Variants in GLRA2 observed in about 807,000 individuals in gnomAD.
GLRA2 encodes the protein glycine receptor subunit alpha-2.
In GLRA2, 11 loss-of-function variants were observed where a neutral mutation model predicts 31.6. The observed-to-expected ratio is 0.35, with a 90% CI of 0.22 to 0.58. The LOEUF (loss-of-function observed/expected upper bound fraction) is 0.58, where lower values mean the gene tolerates loss of function less well. GLRA2 is among the 20% of genes least tolerant of loss of function. The probability of loss-of-function intolerance (pLI) is 0.84; values close to 1 mark genes in which losing one functional copy is unlikely to be tolerated. For synonymous variants in GLRA2, 132 were observed against 134.0 expected, an observed-to-expected ratio of 0.99 and a Z score of 0.10; for missense variants, 212 against 351.8, an observed-to-expected ratio of 0.60 and a Z score of 3.18.
At chrX:14,701,130 GA>G (rs1325978365) in intron 8 of GLRA2, among the ~76,000 whole-genome samples, 1 of 110,865 alleles carries the variant, frequency 9.0e-6, no homozygotes, top group Non-Finnish European at 1.9e-5. Flanking sequence ...GGAGGTGACA[GA>G]GTAGGAGGTG....
intron 7 of GLRA2, among the ~76,000 whole-genome samples, chrX:14,685,815 A>G (rs2091270559): frequency 9.0e-6 from 1 of 111,384 alleles, no homozygotes; most frequent in African/African-American, 3.3e-5. Flanking sequence ...TATCTCCTTC[A>G]GTTCTGCTCT....
intron 7 of GLRA2, among the ~76,000 whole-genome samples, chrX:14,650,511 CAG>C (rs747759815): frequency 1.2e-3 from 137 of 111,101 alleles, no homozygotes; most frequent in African/African-American, 4.1e-3. Flanking sequence ...TCTCTAGTGT[CAG>C]AGAGAGCTTC....
At chrX:14,461,888 A>G in the GLRA2 span, among the ~76,000 whole-genome samples, 1 of 112,017 alleles carries the variant, frequency 8.9e-6, no homozygotes, top group Non-Finnish European at 1.9e-5. Context: ...TGTTCCTGTC[A>G]TTATGATGAT....
intron 2 of GLRA2, among the ~76,000 whole-genome samples, chrX:14,540,475 ACAGT>A (rs1197307180): frequency 1.8e-5 from 2 of 111,230 alleles, no homozygotes; most frequent in Non-Finnish European, 3.8e-5. Context: ...GATTCAACTA[ACAGT>A]CAGAGAGCAA....
At chrX:14,645,629 T>G (rs1205504475) in intron 7 of GLRA2, among the ~76,000 whole-genome samples, 1 of 111,768 alleles carries the variant, frequency 8.9e-6, no homozygotes, top group Non-Finnish European at 1.9e-5. Flanking sequence ...TTATCTCACC[T>G]CTTTGCAATT....
the GLRA2 span, among the ~76,000 whole-genome samples, chrX:14,515,135 T>A: frequency 8.9e-6 from 1 of 111,747 alleles, no homozygotes; most frequent in Non-Finnish European, 1.9e-5. Flanking sequence ...TTTTGTTTTT[T>A]AAAATAACTT....
the GLRA2 span, among the ~76,000 whole-genome samples, chrX:14,449,061 G>T: frequency 8.9e-6 from 1 of 112,380 alleles, no homozygotes; most frequent in African/African-American, 3.2e-5. Context: ...AGACCTCTGC[G>T]TGAGCTGGAA....
chrX:14,566,912 G>T (rs1308243809), intron 2 of GLRA2, among the ~76,000 whole-genome samples: 2 of 111,511 alleles, frequency 1.8e-5, no homozygotes, highest in African/African-American at 6.5e-5. Flanking sequence ...CTCTCTGCCT[G>T]TGCACCCTGA....
At chrX:14,481,554 A>G in the GLRA2 span, among the ~76,000 whole-genome samples, 4 of 111,737 alleles carry the variant, frequency 3.6e-5, no homozygotes, top group South Asian at 1.5e-3. Flanking sequence ...ACTGGCAGGG[A>G]AACTGAGGCC....
At chrX:14,603,792 T>C (rs1231905045) in intron 4 of GLRA2, among the ~76,000 whole-genome samples, 1 of 111,952 alleles carries the variant, frequency 8.9e-6, no homozygotes, top group East Asian at 2.8e-4. Context: ...TACAATATAT[T>C]GTTAACCCAT....
At chrX:14,511,678 AC>A in the GLRA2 span, among the ~76,000 whole-genome samples, 1 of 112,167 alleles carries the variant, frequency 8.9e-6, no homozygotes, top group African/African-American at 3.2e-5. Context: ...AAAGTTGAAA[AC>A]AAATTATAAT....
intron 4 of GLRA2, among the ~76,000 whole-genome samples, chrX:14,597,921 A>C (rs757266735): frequency 8.9e-6 from 1 of 112,056 alleles, no homozygotes; most frequent in South Asian, 3.7e-4. Context: ...CTCAGTGATT[A>C]TAAAATAATA....
At chrX:14,458,271 T>C in the GLRA2 span, among the ~76,000 whole-genome samples, 1 of 111,724 alleles carries the variant, frequency 9.0e-6, no homozygotes, top group African/African-American at 3.3e-5. Flanking sequence ...CAGTCTATCA[T>C]TGTTGGACAT....
At chrX:14,578,642 A>C (rs893353902) in intron 3 of GLRA2, among the ~76,000 whole-genome samples, 2 of 111,334 alleles carry the variant, frequency 1.8e-5, no homozygotes, top group African/African-American at 3.3e-5. Context: ...GTTTTCTTTT[A>C]TTTTTCTCTT....
intron 7 of GLRA2, among the ~76,000 whole-genome samples, chrX:14,677,316 C>T (rs1030400054): frequency 9.0e-6 from 1 of 111,309 alleles, no homozygotes; most frequent in Non-Finnish European, 1.9e-5. Context: ...GGGACACTTA[C>T]TATATGCACA....
intron 7 of GLRA2, among the ~76,000 whole-genome samples, chrX:14,670,702 C>G (rs2091083596): frequency 9.0e-6 from 1 of 111,554 alleles, no homozygotes; most frequent in Non-Finnish European, 1.9e-5. Flanking sequence ...CACCAGGTCC[C>G]TCCCATAACA....
intron 7 of GLRA2, among the ~76,000 whole-genome samples, chrX:14,647,495 A>G (rs1021778062): frequency 2.7e-5 from 3 of 111,348 alleles, no homozygotes; most frequent in African/African-American, 9.8e-5. Flanking sequence ...GTCTGTGTAT[A>G]CATAAGGCTG....
At chrX:14,617,768 C>A (rs903637369) in intron 7 of GLRA2, among the ~76,000 whole-genome samples, 8 of 111,549 alleles carry the variant, frequency 7.2e-5, no homozygotes, top group Non-Finnish European at 1.9e-5. Context: ...GAGCCCAGAC[C>A]AAATAGTTGA....
intron 7 of GLRA2, among the ~76,000 whole-genome samples, chrX:14,636,149 A>G (rs974979757): frequency 8.9e-6 from 1 of 112,230 alleles, no homozygotes; most frequent in Non-Finnish European, 1.9e-5. Context: ...ATTGAGGTAG[A>G]AAAAACAAAT....
Sources: gnomAD v4.1 joint callset for allele counts (sites outside exome capture counted in the v4.1 genomes callset) on GRCh38, gnomAD v4.1.1 for gene constraint, MANE v1.5 for transcripts, NCBI Gene and HGNC (gene_info 2026-07-23, HGNC 2026-07-21) for gene names.